SLC2A13: variants seen among roughly 807,000 people sequenced by gnomAD.
SLC2A13 encodes solute carrier family 2 member 13, also known as proton myo-inositol cotransporter.
A neutral mutation model predicts 64.4 loss-of-function variants in SLC2A13; 32 were observed. That is an observed-to-expected ratio of 0.50 (90% CI 0.37 to 0.67). The LOEUF (loss-of-function observed/expected upper bound fraction) is 0.67, where lower values mean the gene tolerates loss of function less well. Ranked by LOEUF, SLC2A13 falls within the 30% of genes least tolerant of loss-of-function variation. The pLI is 0.00. For synonymous variants in SLC2A13, 338 were observed against 327.1 expected, an observed-to-expected ratio of 1.03 and a Z score of -0.36; for missense variants, 743 against 829.2, an observed-to-expected ratio of 0.90 and a Z score of 1.28.
At chr12:40,048,910 A>C (rs61931530) in intron 1 of SLC2A13, among the ~76,000 whole-genome samples, 12,242 of 152,202 alleles carry the variant, frequency 0.08, 680 homozygotes, top group Middle Eastern at 0.13. Flanking sequence ...CACCCACCTC[A>C]GACCTACTAA....
chr12:40,091,735 A>G (rs531030000), intron 1 of SLC2A13, among the ~76,000 whole-genome samples: 1 of 152,194 alleles, frequency 6.6e-6, no homozygotes, highest in Non-Finnish European at 1.5e-5. Flanking sequence ...TTTTAATTAC[A>G]CATGTGCCAG....
intron 4 of SLC2A13, among the ~76,000 whole-genome samples, chr12:39,888,312 C>A (rs1323286760): frequency 1.3e-5 from 2 of 152,232 alleles, no homozygotes; most frequent in Non-Finnish European, 2.9e-5. Context: ...GCAACCTCCG[C>A]TTCCCAGGTT....
chr12:39,896,444 GTA>G (rs200987159), intron 4 of SLC2A13, among the ~76,000 whole-genome samples: 24 of 139,536 alleles, frequency 1.7e-4, no homozygotes, highest in Admixed American at 5.3e-4. Context: ...ATACATATAT[GTA>G]TATGTGTGTA....
At chr12:40,003,396 A>G (rs1037460367) in intron 3 of SLC2A13, among the ~76,000 whole-genome samples, 37 of 152,218 alleles carry the variant, frequency 2.4e-4, no homozygotes, top group Non-Finnish European at 7.3e-5. Flanking sequence ...GAGGAGAGAC[A>G]AAAACAACAC....
intron 1 of SLC2A13, among the ~76,000 whole-genome samples, chr12:40,049,698 T>G (rs138620816): frequency 3.5e-4 from 54 of 152,280 alleles, no homozygotes; most frequent in African/African-American, 1.2e-3. Flanking sequence ...TATAAGTGTA[T>G]TTTTCCTCTA....
chr12:39,902,125 A>C (rs1456978164), intron 4 of SLC2A13, among the ~76,000 whole-genome samples: 1 of 145,914 alleles, frequency 6.9e-6, no homozygotes, highest in Non-Finnish European at 1.5e-5. Context: ...TCTCACTCAT[A>C]GGTGGGAATT....
intron 7 of SLC2A13, among the ~76,000 whole-genome samples, chr12:39,778,966 T>G (rs1209641298): frequency 2.0e-5 from 3 of 152,134 alleles, no homozygotes; most frequent in Admixed American, 6.5e-5. Flanking sequence ...GAAAAACCAC[T>G]AATTGCAGGG....
chr12:39,896,580 GTA>G (rs1367446323), intron 4 of SLC2A13, among the ~76,000 whole-genome samples: 2 of 143,916 alleles, frequency 1.4e-5, no homozygotes, highest in Non-Finnish European at 1.5e-5. Flanking sequence ...ATGTATGTGT[GTA>G]TATATGTATA....
intron 9 of SLC2A13, among the ~76,000 whole-genome samples, chr12:39,762,453 A>G (rs1319992779): frequency 1.6e-5 from 2 of 126,314 alleles, no homozygotes; most frequent in African/African-American, 2.7e-5. Flanking sequence ...ATGCCCCCCA[A>G]GGGATCTCTT....
chr12:39,981,273 G>C (rs1946888023), intron 3 of SLC2A13, among the ~76,000 whole-genome samples: 1 of 150,996 alleles, frequency 6.6e-6, no homozygotes, highest in Admixed American at 6.6e-5. Flanking sequence ...AACTAGAAAA[G>C]CAAGAGCAAA....
chr12:39,979,428 A>C (rs1278590338), intron 3 of SLC2A13, among the ~76,000 whole-genome samples: 19 of 140,004 alleles, frequency 1.4e-4, no homozygotes, highest in African/African-American at 5.0e-4. Context: ...ACTTTGAAAA[A>C]AATTTATAAG....
intron 6 of SLC2A13, among the ~76,000 whole-genome samples, chr12:39,840,164 T>C (rs111719138): frequency 1.4e-3 from 210 of 152,190 alleles, no homozygotes; most frequent in South Asian, 8.1e-3. Context: ...CCTGAGTAGC[T>C]GGGATTACAG....
intron 1 of SLC2A13, among the ~76,000 whole-genome samples, chr12:40,102,503 T>G (rs556526957): frequency 1.3e-5 from 2 of 152,266 alleles, no homozygotes; most frequent in African/African-American, 4.8e-5. Context: ...AATATATCAG[T>G]GAACAAAATG....
intron 3 of SLC2A13, among the ~76,000 whole-genome samples, chr12:39,987,680 A>T (rs932374833): frequency 4.0e-5 from 6 of 151,742 alleles, no homozygotes; most frequent in African/African-American, 9.7e-5. Context: ...GGTCAAATTT[A>T]TTTTTTTTCA....
At chr12:39,842,675 A>C (rs1943206918) in intron 6 of SLC2A13, among the ~76,000 whole-genome samples, 1 of 152,054 alleles carries the variant, frequency 6.6e-6, no homozygotes, top group South Asian at 2.1e-4. Context: ...TAAAGCTTGC[A>C]GTTTAGTAAA....
At chr12:39,896,226 ATGCATATG>A (rs1565527499) in intron 4 of SLC2A13, among the ~76,000 whole-genome samples, 4 of 145,072 alleles carry the variant, frequency 2.8e-5, no homozygotes, top group Admixed American at 1.4e-4. Flanking sequence ...GTATACATAT[ATGCATATG>A]TGTATATATG....
At chr12:39,931,476 T>G (rs1266227622) in intron 4 of SLC2A13, among the ~76,000 whole-genome samples, 1 of 152,174 alleles carries the variant, frequency 6.6e-6, no homozygotes, top group Non-Finnish European at 1.5e-5. Context: ...GCCTCCTGAG[T>G]ATCTGTGTTC....
chr12:39,896,531 T>C (rs1266504476), intron 4 of SLC2A13, among the ~76,000 whole-genome samples: 1 of 141,318 alleles, frequency 7.1e-6, no homozygotes, highest in Non-Finnish European at 1.5e-5. Context: ...CATGTATACA[T>C]GTATGTATGT....
intron 3 of SLC2A13, among the ~76,000 whole-genome samples, chr12:39,990,526 T>C (rs527629614): frequency 1.3e-5 from 2 of 152,298 alleles, no homozygotes; most frequent in South Asian, 4.1e-4. Flanking sequence ...ATTCTGGGGA[T>C]AGTATCTCAG....
Sources: gnomAD v4.1 joint callset for allele counts (sites outside exome capture counted in the v4.1 genomes callset) on GRCh38, gnomAD v4.1.1 for gene constraint, MANE v1.5 for transcripts, NCBI Gene and HGNC (gene_info 2026-07-23, HGNC 2026-07-21) for gene names.